Variants in SLC4A10 observed in about 807,000 individuals in gnomAD.
The protein encoded by SLC4A10 is solute carrier family 4 member 10.
SLC4A10 carries 42 observed loss-of-function variants against 137.7 expected under a neutral mutation model. That is an observed-to-expected ratio of 0.30 (90% CI 0.24 to 0.39). SLC4A10 has a LOEUF of 0.39. SLC4A10 is among the 10% of genes least tolerant of loss of function. The probability of loss-of-function intolerance (pLI) is 1.00; values close to 1 mark genes in which losing one functional copy is unlikely to be tolerated. For synonymous variants in SLC4A10, 474 were observed against 464.1 expected, an observed-to-expected ratio of 1.02 and a Z score of -0.27; for missense variants, 925 against 1,355.0, an observed-to-expected ratio of 0.68 and a Z score of 4.98.
intron 1 of SLC4A10, among the ~76,000 whole-genome samples, chr2:161,640,599 T>C (rs1168406471): frequency 6.3e-5 from 6 of 94,532 alleles, no homozygotes; most frequent in African/African-American, 2.3e-4. Flanking sequence ...TTTCTTTCCT[T>C]CCTTCCTTCC....
chr2:161,959,342 G>T (rs1413632394), intron 21 of SLC4A10, among the ~76,000 whole-genome samples: 6 of 152,114 alleles, frequency 3.9e-5, no homozygotes, highest in Non-Finnish European at 8.8e-5. Flanking sequence ...CATGAATTTG[G>T]CAACAGATCA....
chr2:161,776,250 T>A (rs934206838), intron 2 of SLC4A10, among the ~76,000 whole-genome samples: 2 of 151,950 alleles, frequency 1.3e-5, no homozygotes, highest in Admixed American at 1.3e-4. Context: ...TCATCAGTAA[T>A]GCAAGTGTAC....
At chr2:161,947,980 C>T (rs1694129394) in intron 17 of SLC4A10, among the ~76,000 whole-genome samples, 1 of 152,072 alleles carries the variant, frequency 6.6e-6, no homozygotes, top group Admixed American at 6.6e-5. Context: ...AAATTCACAG[C>T]ACACACTGCA....
intron 5 of SLC4A10, among the ~76,000 whole-genome samples, chr2:161,860,713 C>A (rs2060386053): frequency 6.6e-6 from 1 of 151,968 alleles, no homozygotes; most frequent in Non-Finnish European, 1.5e-5. Context: ...TGGAAGGGAC[C>A]TTTGAGGTAA....
intron 15 of SLC4A10, among the ~76,000 whole-genome samples, chr2:161,938,975 CTA>C (rs1328728640): frequency 6.6e-6 from 1 of 152,070 alleles, no homozygotes; most frequent in East Asian, 1.9e-4. Flanking sequence ...AGTGATCCCT[CTA>C]AATTTCTAAA....
intron 1 of SLC4A10, among the ~76,000 whole-genome samples, chr2:161,642,925 G>A (rs2035515183): frequency 6.6e-6 from 1 of 151,876 alleles, no homozygotes; most frequent in South Asian, 2.1e-4. Flanking sequence ...TTTGGTTCAA[G>A]TTTTCTTTTC....
At chr2:161,819,482 C>A (rs1032984760) in intron 3 of SLC4A10, among the ~76,000 whole-genome samples, 1 of 151,652 alleles carries the variant, frequency 6.6e-6, no homozygotes, top group Non-Finnish European at 1.5e-5. Context: ...TCCCCAGTAA[C>A]AAAGCTGCTA....
rs1687896141 is a variant in SLC4A10 at position 161,920,309 on chromosome 2, G to A, written c.1997+14422G>A. Among the ~76,000 whole-genome samples, 3 of 152,168 alleles carry A rather than the reference G, an allele frequency of 2.0e-5. No individual in the cohort carries two copies. The South Asian group carries it at 6.2e-4, about 31-fold the overall frequency. ...TGACAGTAATAACTTGGCTTAAAAG[G>A]CTGGGATAGGGATCTATGACATTAA... On this transcript the variant is annotated intron_variant, in intron 15 of 26. Coordinates refer to ENST00000446997, the MANE Select transcript of SLC4A10 (RefSeq NM_001178015.2).
At chr2:161,895,234 G>GAC (rs1051094828) in intron 11 of SLC4A10, among the ~76,000 whole-genome samples, 16 of 152,002 alleles carry the variant, frequency 1.1e-4, no homozygotes, top group African/African-American at 3.9e-4. Context: ...CCCTACAAAG[G>GAC]ATGTGAACTC....
chr2:161,707,991 G>A (rs1351598308), intron 1 of SLC4A10, among the ~76,000 whole-genome samples: 1 of 150,846 alleles, frequency 6.6e-6, no homozygotes, highest in Non-Finnish European at 1.5e-5. Context: ...TCCTTCAAGA[G>A]AGTACAATTT....
At chr2:161,976,113 A>C (rs1699347410) in intron 24 of SLC4A10, among the ~76,000 whole-genome samples, 2 of 152,242 alleles carry the variant, frequency 1.3e-5, no homozygotes, top group South Asian at 4.1e-4. Flanking sequence ...AGGCCAACTC[A>C]GTATCTATTC....
intron 1 of SLC4A10, among the ~76,000 whole-genome samples, chr2:161,716,820 A>T (rs1005057910): frequency 1.8e-4 from 28 of 151,820 alleles, no homozygotes; most frequent in East Asian, 3.9e-4. Context: ...GAATTTTAAA[A>T]TTTTTTTTCT....
chr2:161,820,218 C>T (rs1559325418), intron 3 of SLC4A10, among the ~76,000 whole-genome samples: 1 of 152,118 alleles, frequency 6.6e-6, no homozygotes, highest in East Asian at 1.9e-4. Context: ...AAAACATGAC[C>T]TCAAAGAGCA....
At chr2:161,791,432 C>T (rs1340347494) in intron 2 of SLC4A10, among the ~76,000 whole-genome samples, 2 of 152,110 alleles carry the variant, frequency 1.3e-5, no homozygotes, top group East Asian at 3.9e-4. Flanking sequence ...CACATGGACA[C>T]ATGAGAGGAA....
chr2:161,951,450 C>A (rs1239602423), intron 19 of SLC4A10, among the ~76,000 whole-genome samples: 1 of 152,044 alleles, frequency 6.6e-6, no homozygotes, highest in African/African-American at 2.4e-5. Flanking sequence ...TGTGAATAAT[C>A]GAAATTGTTC....
chr2:161,819,034 A>G (rs1405391282), intron 3 of SLC4A10, among the ~76,000 whole-genome samples: 1 of 152,180 alleles, frequency 6.6e-6, no homozygotes, highest in African/African-American at 2.4e-5. Context: ...ATCGATTGGA[A>G]TTTGGGCACT....
chr2:161,678,879 G>A (rs1030406957), intron 1 of SLC4A10, among the ~76,000 whole-genome samples: 2 of 152,062 alleles, frequency 1.3e-5, no homozygotes, highest in South Asian at 2.1e-4. Flanking sequence ...AAGGACATTG[G>A]ATTATTTCCA....
chr2:161,861,709 A>C (rs1310775944), intron 5 of SLC4A10, among the ~76,000 whole-genome samples: 1 of 152,192 alleles, frequency 6.6e-6, no homozygotes, highest in East Asian at 1.9e-4. Context: ...TCAATATTCC[A>C]ATCAGTGCAT....
chr2:161,728,411 C>T (rs1025022779), intron 1 of SLC4A10, among the ~76,000 whole-genome samples: 2 of 152,008 alleles, frequency 1.3e-5, no homozygotes, highest in Non-Finnish European at 2.9e-5. Context: ...CCTGTCTCTA[C>T]CATAAAATAC....
Sources: gnomAD v4.1 joint callset for allele counts (sites outside exome capture counted in the v4.1 genomes callset) on GRCh38, gnomAD v4.1.1 for gene constraint, MANE v1.5 for transcripts, NCBI Gene and HGNC (gene_info 2026-07-23, HGNC 2026-07-21) for gene names.